The following SLC35D4 variants were observed in gnomAD, a reference collection of about 807,000 sequenced individuals.
SLC35D4 encodes solute carrier family 35 member D4.
At chr18:23,240,733 G>A in the SLC35D4 span, among the ~76,000 whole-genome samples, 1 of 152,254 alleles carries the variant, frequency 6.6e-6, no homozygotes, top group Non-Finnish European at 1.5e-5. Flanking sequence ...CCCCAGGGCA[G>A]TCCAATGTGG....
the SLC35D4 span, among the ~76,000 whole-genome samples, chr18:23,355,519 T>C: frequency 5.9e-5 from 9 of 152,128 alleles, no homozygotes; most frequent in African/African-American, 1.9e-4. Flanking sequence ...TGTGTCAGTG[T>C]TTTCCTGAAA....
chr18:23,396,947 G>C, the SLC35D4 span, among the ~76,000 whole-genome samples: 1 of 151,790 alleles, frequency 6.6e-6, no homozygotes, highest in Non-Finnish European at 1.5e-5. Flanking sequence ...AGAATTCAAA[G>C]ACCAGGACAG....
chr18:23,317,236 C>T, the SLC35D4 span, among the ~76,000 whole-genome samples: 6 of 152,136 alleles, frequency 3.9e-5, no homozygotes, highest in Non-Finnish European at 7.4e-5. Context: ...GGACTGAAGC[C>T]CAGGATTTAG....
At chr18:23,349,750 G>A in the SLC35D4 span, among the ~76,000 whole-genome samples, 10 of 152,140 alleles carry the variant, frequency 6.6e-5, no homozygotes, top group Non-Finnish European at 1.5e-4. Context: ...TCTTTCTTCT[G>A]CCACGTCAAA....
the SLC35D4 span, among the ~76,000 whole-genome samples, chr18:23,328,282 C>A: frequency 3.9e-5 from 6 of 152,298 alleles, no homozygotes; most frequent in East Asian, 1.2e-3. Flanking sequence ...TTGCAGATGA[C>A]ATGGTTGTAT....
chr18:23,389,314 T>G, the SLC35D4 span, among the ~76,000 whole-genome samples: 1 of 152,118 alleles, frequency 6.6e-6, no homozygotes, highest in Non-Finnish European at 1.5e-5. Context: ...TATAGCAGTG[T>G]GAGAATGGAC....
At chr18:23,248,533 TTTTTTA>T in the SLC35D4 span, among the ~76,000 whole-genome samples, 1,312 of 137,172 alleles carry the variant, frequency 9.6e-3, 32 homozygotes, top group African/African-American at 0.034. Flanking sequence ...TTTTTTTTTT[TTTTTTA>T]AAAAAAGGCT....
At chr18:23,370,657 C>T in the SLC35D4 span, among the ~76,000 whole-genome samples, 3 of 152,194 alleles carry the variant, frequency 2.0e-5, no homozygotes, top group East Asian at 5.8e-4. Flanking sequence ...TCCCCCAGGA[C>T]TACAGACAAG....
chr18:23,352,176 C>T, the SLC35D4 span: 1 of 1,583,998 alleles, frequency 6.3e-7, no homozygotes, highest in Non-Finnish European at 8.6e-7. Context: ...AGAGAATTTC[C>T]CACCCCTCTT....
At chr18:23,399,187 AG>A in the SLC35D4 span, among the ~76,000 whole-genome samples, 1 of 152,196 alleles carries the variant, frequency 6.6e-6, no homozygotes, top group Non-Finnish European at 1.5e-5. Context: ...ACCAATGGGC[AG>A]GGTTTGGTTC....
chr18:23,293,568 G>T, the SLC35D4 span, among the ~76,000 whole-genome samples: 1 of 152,228 alleles, frequency 6.6e-6, no homozygotes, highest in African/African-American at 2.4e-5. Flanking sequence ...TAGATGGCCA[G>T]GGGCATCCAC....
chr18:23,297,923 G>T, the SLC35D4 span: 1 of 1,504,184 alleles, frequency 6.6e-7, no homozygotes, highest in Non-Finnish European at 9.2e-7. Flanking sequence ...ATCCAACAGG[G>T]AGCTATGAGA....
chr18:23,282,696 G>C, the SLC35D4 span, among the ~76,000 whole-genome samples: 1 of 152,182 alleles, frequency 6.6e-6, no homozygotes, highest in South Asian at 2.1e-4. Flanking sequence ...GGAGTGGGGG[G>C]CAATGCCCAG....
At chr18:23,321,254 C>T in the SLC35D4 span, among the ~76,000 whole-genome samples, 2 of 152,006 alleles carry the variant, frequency 1.3e-5, no homozygotes, top group African/African-American at 4.8e-5. Context: ...ATGATTTTTG[C>T]GATTTATTTA....
the SLC35D4 span, among the ~76,000 whole-genome samples, chr18:23,380,832 A>G: frequency 1.3e-5 from 2 of 152,108 alleles, no homozygotes; most frequent in Admixed American, 6.6e-5. Flanking sequence ...GCATGAATAC[A>G]CAAAGGCCTT....
the SLC35D4 span, among the ~76,000 whole-genome samples, chr18:23,241,405 C>T: frequency 6.6e-6 from 1 of 152,214 alleles, no homozygotes; most frequent in East Asian, 1.9e-4. Context: ...GTGGCAGGCA[C>T]CTGTAATCCC....
the SLC35D4 span, among the ~76,000 whole-genome samples, chr18:23,333,153 A>G: frequency 1.3e-5 from 2 of 152,250 alleles, no homozygotes; most frequent in African/African-American, 4.8e-5. Flanking sequence ...TAGAGTAAAC[A>G]TTCTTAAAAA....
chr18:23,256,466 C>A, the SLC35D4 span, among the ~76,000 whole-genome samples: 1 of 152,136 alleles, frequency 6.6e-6, no homozygotes, highest in African/African-American at 2.4e-5. Flanking sequence ...TATTGTCGTG[C>A]GTGGTTTGCT....
chr18:23,411,483 TAGAA>T, the SLC35D4 span, among the ~76,000 whole-genome samples: 12,574 of 91,632 alleles, frequency 0.14, 668 homozygotes, highest in Middle Eastern at 0.21. Flanking sequence ...AAGAAAGAGA[TAGAA>T]AGAAAGAAAG....
Sources: gnomAD v4.1 joint callset for allele counts (sites outside exome capture counted in the v4.1 genomes callset) on GRCh38, gnomAD v4.1.1 for gene constraint, MANE v1.5 for transcripts, NCBI Gene and HGNC (gene_info 2026-07-23, HGNC 2026-07-21) for gene names.